The following CDK15 variants were observed in gnomAD, a reference collection of about 807,000 sequenced individuals.
CDK15 encodes the protein cyclin dependent kinase 15.
In CDK15, 62 loss-of-function variants were observed where a neutral mutation model predicts 60.3. That is an observed-to-expected ratio of 1.03 (90% CI 0.84 to 1.27). The LOEUF is 1.27. Ranked by LOEUF, CDK15 falls within the 50% of genes most tolerant of loss-of-function variation. The pLI, the probability that CDK15 is intolerant of heterozygous loss-of-function variation, is 0.00. For synonymous variants in CDK15, 194 were observed against 195.7 expected (o/e 0.99, Z 0.07); for missense variants, 541 against 527.8 (o/e 1.03, Z -0.25).
At chr2:201,858,125 G>A (rs1698222456) in intron 10 of CDK15, among the ~76,000 whole-genome samples, 1 of 152,112 alleles carries the variant, frequency 6.6e-6, no homozygotes, top group Non-Finnish European at 1.5e-5. Flanking sequence ...GCCTTATCTG[G>A]ACACCTCTAG....
intron 10 of CDK15, among the ~76,000 whole-genome samples, chr2:201,866,489 CT>C (rs1326205083): frequency 6.6e-6 from 1 of 152,172 alleles, no homozygotes; most frequent in Non-Finnish European, 1.5e-5. Flanking sequence ...TTTAAATGCT[CT>C]GCTTTATTAC....
intron 6 of CDK15, among the ~76,000 whole-genome samples, chr2:201,831,742 G>C (rs1484834450): frequency 1.3e-5 from 2 of 152,260 alleles, no homozygotes; most frequent in East Asian, 3.9e-4. Flanking sequence ...ATTTCAAGCT[G>C]ACCTACTAAG....
chr2:201,861,565 C>CTTTTTTTTTTTTTTTTTTTTTTTT (rs869051401), intron 10 of CDK15: 1 of 504,544 alleles, frequency 2.0e-6, no homozygotes, highest in Non-Finnish European at 2.4e-6. Context: ...TTTTTTTTTT[C>CTTTTTTTTTTTTTTTTTTTTTTTT]TTTTTTTTTT....
At chr2:201,878,904 G>A (rs1470420986) in intron 11 of CDK15, among the ~76,000 whole-genome samples, 2 of 152,116 alleles carry the variant, frequency 1.3e-5, no homozygotes, top group African/African-American at 4.8e-5. Flanking sequence ...TGGTGATTAG[G>A]TTTCAACATA....
chr2:201,823,594 T>C (rs1696326841), intron 5 of CDK15, 71 bp from the exon 6 acceptor site: 2 of 1,302,492 alleles, frequency 1.5e-6, no homozygotes, highest in African/African-American at 1.5e-5. Flanking sequence ...GTCAAGTCAA[T>C]GTTCTGCTTT....
At chr2:201,842,967 C>T (rs1697467484) in intron 8 of CDK15, among the ~76,000 whole-genome samples, 1 of 152,054 alleles carries the variant, frequency 6.6e-6, no homozygotes, top group African/African-American at 2.4e-5. Context: ...AGAGGAGCCC[C>T]AGGAATGAAG....
chr2:201,807,687 C>G (rs1198008695), intron 2 of CDK15, 44 bp downstream of exon 2: 1 of 1,610,734 alleles, frequency 6.2e-7, no homozygotes, highest in Non-Finnish European at 8.5e-7. Context: ...TTAATGTGAG[C>G]TTGTCTACGG....
intron 10 of CDK15, among the ~76,000 whole-genome samples, chr2:201,863,778 C>G (rs1179581735): frequency 6.6e-6 from 1 of 152,126 alleles, no homozygotes; most frequent in African/African-American, 2.4e-5. Context: ...CACCTGTAAT[C>G]CCAGCTACTC....
chr2:201,857,738 G>A (rs1698206182), intron 10 of CDK15, among the ~76,000 whole-genome samples: 1 of 152,140 alleles, frequency 6.6e-6, no homozygotes, highest in South Asian at 2.1e-4. Context: ...CAGTATTATT[G>A]ATAACTCAAT....
chr2:201,881,300 C>A (rs1268651760), intron 12 of CDK15, among the ~76,000 whole-genome samples: 1 of 152,170 alleles, frequency 6.6e-6, no homozygotes, highest in Non-Finnish European at 1.5e-5. Context: ...CAAAAATAAC[C>A]ATAATCATAC....
rs576238752 is a variant in CDK15 at position 201,808,444 on chromosome 2, C to T, written c.368+492C>T. Among the ~76,000 whole-genome samples the T allele has an allele frequency of 2.9e-3, 444 of 152,206 alleles. 1 individual carries two copies. The highest frequency in any genetic ancestry group is 5.7e-3 in the Non-Finnish European group (387 of 68,020). ...TGGTACATGCAAAAGATGATAAATC[C>T]TAGATTTTTTATATTTGCAAAATAC... On this transcript the variant is annotated intron_variant, in intron 3 of 13. Coordinates refer to ENST00000652192, the MANE Select transcript of CDK15 (RefSeq NM_001366386.2).
chr2:201,835,174 A>T (rs1032769650), intron 7 of CDK15, among the ~76,000 whole-genome samples: 4 of 152,224 alleles, frequency 2.6e-5, no homozygotes, highest in African/African-American at 4.8e-5. Flanking sequence ...TTCGCATCAC[A>T]GTCCTGACCT....
intron 12 of CDK15, 59 bp from the exon 13 acceptor site, chr2:201,890,726 A>G: frequency 7.4e-7 from 1 of 1,353,992 alleles, no homozygotes; most frequent in Non-Finnish European, 1.0e-6. Flanking sequence ...AGACAAAAAT[A>G]TACCACAGAA....
At chr2:201,845,998 CCTCT>C (rs1019685902) in intron 8 of CDK15, among the ~76,000 whole-genome samples, 1 of 151,828 alleles carries the variant, frequency 6.6e-6, no homozygotes, top group Non-Finnish European at 1.5e-5. Flanking sequence ...CCTTCCTGTC[CCTCT>C]CTAATTATCC....
intron 6 of CDK15, chr2:201,824,743 A>G: frequency 1.6e-6 from 1 of 644,854 alleles, no homozygotes; most frequent in Non-Finnish European, 2.2e-6. Context: ...ATATATCATC[A>G]AAGTTATCCT....
In CDK15 at chr2:201,888,793, G is replaced by C. The variant is rs1699547964; in HGVS notation, c.1199-1992G>C. 22 of 1,152,008 alleles carry C rather than the reference G, an allele frequency of 1.9e-5. No homozygotes were observed. In the South Asian group the frequency reaches 4.9e-4, roughly 26 times the overall value. The allele number at this position is 1,152,008 out of a possible 1,614,324, so 71.4% of individuals were successfully genotyped here. A position where few individuals can be genotyped will look rare whatever the true frequency, so the allele number is the denominator to read the frequency against. On this transcript the variant is annotated intron_variant, in intron 12 of 13. Transcript: ENST00000652192. The stretch of plus-strand genomic sequence containing the variant: ...GCAAGGAAGCCGGAGGGAAATCCCA[G>C]CTTTTCATGCCACTGTCCCCAAGGC...
chr2:201,880,221 T>A (rs1699228130), intron 12 of CDK15, 54 bp downstream of exon 12: 1 of 1,594,694 alleles, frequency 6.3e-7, no homozygotes, highest in African/African-American at 1.3e-5. Flanking sequence ...AGTGCGTGTG[T>A]GTGTAAGTCT....
At position 201,883,113 on chromosome 2, in the gene CDK15, A is replaced by C. The variant is rs572764168; in HGVS notation, c.1198+2946A>C. On this transcript the variant is annotated intron_variant, in intron 12 of 13. Coordinates refer to ENST00000652192, the MANE Select transcript of CDK15 (RefSeq NM_001366386.2). ...GTTTCTCTGCCATAATTATGCAAGA[A>C]ATTTTGCTCTCTGGTGGCATTTCAG... is the stretch of plus-strand genomic sequence containing the variant. Among the ~76,000 whole-genome samples the C allele has an allele frequency of 7.2e-5, 11 of 152,352 alleles. No homozygotes were observed. In the East Asian group the frequency reaches 2.1e-3, roughly 29 times the overall value.
Position 201,882,367 on chromosome 2 carries a change from A to C in CDK15, c.1198+2200A>C, listed in dbSNP as rs961494443. On this transcript the variant is annotated intron_variant, in intron 12 of 13. Transcript: ENST00000652192. This position sits in a 1 kb window ranked among gnomAD's most constrained non-coding sequence, Gnocchi z 4.0. ...GGGGGAAACCAGGAGTGCTCACAGC[A>C]GGAGGGAAGTTGACTTTTCTTTATA... 6.6e-6 allele frequency among the ~76,000 whole-genome samples: 1 copy of C among 152,190 alleles called. No individual in the cohort carries two copies. The highest frequency in any genetic ancestry group is 6.5e-5 in the Admixed American group (1 of 15,276).
Sources: allele counts gnomAD v4.1 joint callset (sites outside exome capture counted in the v4.1 genomes callset), GRCh38; gene constraint gnomAD v4.1.1; non-coding constraint Gnocchi (gnomAD v3.1); transcripts MANE v1.5; gene names NCBI Gene and HGNC (gene_info 2026-07-23, HGNC 2026-07-21).